The following LRMDA variants were observed in gnomAD, a reference collection of about 807,000 sequenced individuals.
LRMDA encodes the protein leucine-rich melanocyte differentiation-associated protein.
A neutral mutation model predicts 29.8 loss-of-function variants in LRMDA; 18 were observed. The ratio of observed to expected loss-of-function variants is 0.60; its 90% CI spans 0.42 to 0.90. LRMDA has a LOEUF of 0.90. Ranked by LOEUF, LRMDA falls within the 40% of genes least tolerant of loss-of-function variation. The probability of loss-of-function intolerance (pLI) is 0.00; values close to 1 mark genes in which losing one functional copy is unlikely to be tolerated. For synonymous variants in LRMDA, 125 were observed against 109.4 expected (o/e 1.14, Z -0.89); for missense variants, 273 against 273.9 (o/e 1.00, Z 0.02).
chr10:75,799,240 T>G (rs1843705656), intron 2 of LRMDA, among the ~76,000 whole-genome samples: 1 of 152,236 alleles, frequency 6.6e-6, no homozygotes, highest in South Asian at 2.1e-4. Flanking sequence ...TTTCAAACTT[T>G]GTATTTAAGT....
intron 6 of LRMDA, among the ~76,000 whole-genome samples, chr10:76,490,589 G>A (rs1036671649): frequency 6.6e-6 from 1 of 151,882 alleles, no homozygotes; most frequent in Non-Finnish European, 1.5e-5. Flanking sequence ...TCTAATATAA[G>A]CATAGCTACT....
At chr10:75,849,360 T>C (rs61618979) in intron 2 of LRMDA, among the ~76,000 whole-genome samples, 25,483 of 148,172 alleles carry the variant, frequency 0.17, 2,678 homozygotes, top group South Asian at 0.28. Flanking sequence ...CACCCAAGTG[T>C]CCATCAATGA....
intron 5 of LRMDA, among the ~76,000 whole-genome samples, chr10:76,091,959 TTA>T (rs1378960281): frequency 6.6e-6 from 1 of 152,176 alleles, no homozygotes; most frequent in Non-Finnish European, 1.5e-5. Flanking sequence ...AGTGTTGGGA[TTA>T]CAGATGTGAG....
At chr10:76,517,920 A>G (rs1344924073) in intron 6 of LRMDA, among the ~76,000 whole-genome samples, 2 of 89,076 alleles carry the variant, frequency 2.2e-5, no homozygotes, top group Non-Finnish European at 4.9e-5. Flanking sequence ...AGTGAAGCAG[A>G]GAAATATATA....
intron 2 of LRMDA, among the ~76,000 whole-genome samples, chr10:75,469,971 G>A (rs953430734): frequency 2.6e-5 from 4 of 152,102 alleles, no homozygotes; most frequent in African/African-American, 9.7e-5. Context: ...GCAATAGGAA[G>A]GAGTCTAAGA....
chr10:75,563,768 G>A (rs1840331761), intron 2 of LRMDA, among the ~76,000 whole-genome samples: 1 of 152,128 alleles, frequency 6.6e-6, no homozygotes, highest in South Asian at 2.1e-4. Context: ...CTCAGCTGCA[G>A]GTCTGTTGGA....
chr10:75,545,689 T>C (rs1258006765), intron 2 of LRMDA, among the ~76,000 whole-genome samples: 4 of 152,140 alleles, frequency 2.6e-5, no homozygotes, highest in Admixed American at 6.6e-5. Context: ...AAAATGATGA[T>C]AGCTGGTAAG....
At chr10:75,995,039 T>G (rs991095246) in intron 2 of LRMDA, among the ~76,000 whole-genome samples, 1 of 152,240 alleles carries the variant, frequency 6.6e-6, no homozygotes, top group Non-Finnish European at 1.5e-5. Flanking sequence ...TTCCATTATA[T>G]ATTTTGGAAT....
At chr10:75,627,318 G>A (rs1482612493) in intron 2 of LRMDA, among the ~76,000 whole-genome samples, 2 of 152,220 alleles carry the variant, frequency 1.3e-5, no homozygotes, top group Non-Finnish European at 2.9e-5. Flanking sequence ...TGGGAAGCAG[G>A]TGGAAGGGAG....
chr10:75,505,362 C>T (rs1845158426), intron 2 of LRMDA, among the ~76,000 whole-genome samples: 1 of 152,116 alleles, frequency 6.6e-6, no homozygotes, highest in Non-Finnish European at 1.5e-5. Context: ...CCTTCAAGGT[C>T]ACCACCCAGA....
At chr10:76,262,044 G>A (rs1839949985) in intron 5 of LRMDA, among the ~76,000 whole-genome samples, 1 of 151,926 alleles carries the variant, frequency 6.6e-6, no homozygotes, top group Non-Finnish European at 1.5e-5. Context: ...GCCACCCTGG[G>A]CAACAAAACA....
chr10:75,840,557 G>A (rs1844521274), intron 2 of LRMDA, among the ~76,000 whole-genome samples: 1 of 152,190 alleles, frequency 6.6e-6, no homozygotes, highest in Non-Finnish European at 1.5e-5. Flanking sequence ...TGTTTTCACT[G>A]TGTGTGTCTG....
chr10:75,987,247 A>C (rs1847276319), intron 2 of LRMDA, among the ~76,000 whole-genome samples: 1 of 152,216 alleles, frequency 6.6e-6, no homozygotes, highest in Non-Finnish European at 1.5e-5. Flanking sequence ...TAGTTGTATA[A>C]AATTCCCTTT....
intron 6 of LRMDA, among the ~76,000 whole-genome samples, chr10:76,489,032 A>G (rs1222901745): frequency 6.6e-6 from 1 of 151,936 alleles, no homozygotes; most frequent in South Asian, 2.1e-4. Flanking sequence ...GAATTAGCAT[A>G]GCACGAGTTT....
rs868617260 is a variant in LRMDA at position 76,254,286 on chromosome 10, A to C, written c.517-70115A>C. On this transcript the variant is annotated intron_variant, in intron 5 of 6. Transcript: ENST00000611255. ...AGGATCAATATCTGTGGAAATTACT[A>C]TACTATACTATACTATACCATACCA... is the stretch of plus-strand genomic sequence containing the variant. Among the ~76,000 whole-genome samples the C allele has an allele frequency of 2.3e-4, 21 of 89,520 alleles. 1 individual carries two copies. Among genetic ancestry groups the C allele is most frequent in the South Asian group, 2.3e-3 (5 of 2,170 alleles). 58.7% of individuals were successfully genotyped at this position (89,520 alleles called of 152,430 possible).
intron 6 of LRMDA, among the ~76,000 whole-genome samples, chr10:76,339,438 C>T (rs1374532201): frequency 6.6e-6 from 1 of 151,746 alleles, no homozygotes; most frequent in Non-Finnish European, 1.5e-5. Context: ...TACCAAAAGT[C>T]TAATTAAAGG....
At chr10:76,340,427 G>C (rs1002569484) in intron 6 of LRMDA, among the ~76,000 whole-genome samples, 7 of 144,778 alleles carry the variant, frequency 4.8e-5, no homozygotes, top group African/African-American at 1.8e-4. Flanking sequence ...GAGGCATGAG[G>C]CTCTCTGGAG....
chr10:76,053,213 C>G (rs1392144632), intron 4 of LRMDA, among the ~76,000 whole-genome samples: 1 of 152,156 alleles, frequency 6.6e-6, no homozygotes, highest in South Asian at 2.1e-4. Context: ...TGTACTTTAC[C>G]TTCAAAACAA....
intron 5 of LRMDA, among the ~76,000 whole-genome samples, chr10:76,127,215 T>C (rs1001417420): frequency 6.6e-6 from 1 of 152,236 alleles, no homozygotes; most frequent in African/African-American, 2.4e-5. Context: ...TTAATAAGTA[T>C]GTTGTCTCAT....
Sources: gnomAD v4.1 joint callset for allele counts (sites outside exome capture counted in the v4.1 genomes callset) on GRCh38, gnomAD v4.1.1 for gene constraint, MANE v1.5 for transcripts, NCBI Gene and HGNC (gene_info 2026-07-23, HGNC 2026-07-21) for gene names.